Variants in ATP9A observed in about 807,000 individuals in gnomAD.
ATP9A encodes the protein ATPase phospholipid transporting 9A.
In ATP9A, 52 loss-of-function variants were observed where a neutral mutation model predicts 144.1. The ratio of observed to expected loss-of-function variants is 0.36; its 90% CI spans 0.29 to 0.45. ATP9A has a LOEUF of 0.45. Among genes scored for constraint, ATP9A ranks in the 20% least tolerant of loss-of-function variants. The pLI is 1.00. For synonymous variants in ATP9A, 582 were observed against 557.4 expected (o/e 1.04, Z -0.62); for missense variants, 947 against 1,392.7 (o/e 0.68, Z 5.09).
chr20:51,626,495 A>T (rs1431500164), intron 17 of ATP9A, among the ~76,000 whole-genome samples: 1 of 37,016 alleles, frequency 2.7e-5, no homozygotes, highest in Admixed American at 2.6e-4. Flanking sequence ...TGTCACAAAT[A>T]AAAAAAAAAA....
At chr20:51,759,033 T>C (rs2077868109) in intron 1 of ATP9A, among the ~76,000 whole-genome samples, 2 of 152,230 alleles carry the variant, frequency 1.3e-5, no homozygotes, top group South Asian at 4.1e-4. Flanking sequence ...ACACATCTTC[T>C]GGTCTCCACG....
intron 4 of ATP9A, among the ~76,000 whole-genome samples, chr20:51,709,760 A>G (rs2122845716): frequency 6.6e-6 from 1 of 152,310 alleles, no homozygotes. Flanking sequence ...AAATGTCACA[A>G]TTCATGAATC....
At chr20:51,762,182 C>T (rs1408880758) in intron 1 of ATP9A, among the ~76,000 whole-genome samples, 4 of 152,230 alleles carry the variant, frequency 2.6e-5, no homozygotes, top group South Asian at 2.1e-4. Flanking sequence ...TTGGCCAATA[C>T]GGTGAAGCCC....
At chr20:51,646,128 C>T (rs2077341408) in intron 14 of ATP9A, among the ~76,000 whole-genome samples, 1 of 152,218 alleles carries the variant, frequency 6.6e-6, no homozygotes, top group Non-Finnish European at 1.5e-5. Context: ...GCAGAGCCCA[C>T]ACCTTTCCCT....
At chr20:51,692,623 G>A (rs2077553270) in intron 7 of ATP9A, among the ~76,000 whole-genome samples, 1 of 152,160 alleles carries the variant, frequency 6.6e-6, no homozygotes, top group African/African-American at 2.4e-5. Flanking sequence ...CCAACACGGT[G>A]AAACCGTGTC....
intron 1 of ATP9A, among the ~76,000 whole-genome samples, chr20:51,754,664 A>G (rs866737623): frequency 6.6e-6 from 1 of 151,522 alleles, no homozygotes. Flanking sequence ...AAATACAAAA[A>G]AAATCACTGG....
At chr20:51,761,276 T>C (rs564176609) in intron 1 of ATP9A, among the ~76,000 whole-genome samples, 3 of 152,338 alleles carry the variant, frequency 2.0e-5, no homozygotes, top group African/African-American at 4.8e-5. Flanking sequence ...ATAAACATGC[T>C]GACATAAGCT....
chr20:51,617,093 C>G (rs146866257), intron 22 of ATP9A, among the ~76,000 whole-genome samples: 2 of 151,978 alleles, frequency 1.3e-5, no homozygotes, highest in African/African-American at 2.4e-5. Flanking sequence ...AGGCACCCAC[C>G]ACCATGCCCA....
chr20:51,767,244 G>C (rs1022644662), intron 1 of ATP9A, among the ~76,000 whole-genome samples: 4 of 152,052 alleles, frequency 2.6e-5, no homozygotes, highest in African/African-American at 9.7e-5. Flanking sequence ...AGCGGCCGCA[G>C]GCCCCGCCCA....
intron 15 of ATP9A, among the ~76,000 whole-genome samples, chr20:51,637,121 T>C (rs963192260): frequency 1.3e-5 from 2 of 151,896 alleles, no homozygotes; most frequent in Non-Finnish European, 2.9e-5. Context: ...TTGTCATTCC[T>C]GTCATTCTTC....
chr20:51,607,084 A>C (rs184012985), intron 26 of ATP9A, among the ~76,000 whole-genome samples: 117 of 152,042 alleles, frequency 7.7e-4, no homozygotes, highest in Non-Finnish European at 1.1e-3. Context: ...AATAAATACA[A>C]ACAGAAGTTT....
At chr20:51,679,258 A>AG (rs1290523930) in intron 9 of ATP9A, among the ~76,000 whole-genome samples, 2 of 152,296 alleles carry the variant, frequency 1.3e-5, no homozygotes, top group East Asian at 3.9e-4. Context: ...TGGGAGGCGG[A>AG]GGTTGCAGTG....
intron 2 of ATP9A, among the ~76,000 whole-genome samples, chr20:51,726,584 G>T (rs183460087): frequency 1.3e-5 from 2 of 152,190 alleles, no homozygotes; most frequent in African/African-American, 4.8e-5. Flanking sequence ...TTTGGGGTTT[G>T]GTTTTGTTTT....
chr20:51,608,564 G>A lies in ATP9A; in HGVS notation c.2699C>T (p.Ser900Leu), dbSNP rs1414033630. ...FSLVLDKDVK[S>L]EVAMLYPELY... ...CTCAGGATACAGCATGGCAACTTCC[G>A]ATTTGACATCTTTGTCCAGGACCAG... Residue 900 changes from serine (S) to leucine (L), a missense_variant, in exon 25 of 28, where the codon TCG (serine) becomes TTG (leucine). Physicochemically the swap from Ser to Leu is moderately radical, Grantham distance 145. Around this residue, in one of 2 missense-constraint regions of ATP9A, gnomAD observed 177 missense variants for 344.9 expected, o/e 0.51. Coordinates refer to ENST00000338821, the MANE Select transcript of ATP9A (RefSeq NM_006045.3). 2 of 1,613,488 alleles carry A rather than the reference G, an allele frequency of 1.2e-6. No homozygotes were observed. The highest frequency in any genetic ancestry group is 2.2e-5 in the East Asian group (1 of 44,904).
intron 22 of ATP9A, among the ~76,000 whole-genome samples, chr20:51,614,449 C>T (rs1568785697): frequency 6.6e-6 from 1 of 151,976 alleles, no homozygotes; most frequent in Non-Finnish European, 1.5e-5. Context: ...CACAGACATG[C>T]ACCACCACAC....
intron 4 of ATP9A, among the ~76,000 whole-genome samples, chr20:51,699,824 G>A (rs560616955): frequency 6.6e-5 from 10 of 152,004 alleles, no homozygotes; most frequent in African/African-American, 2.4e-4. Context: ...TGTAGTTTTA[G>A]TAGAGACGGG....
intron 4 of ATP9A, among the ~76,000 whole-genome samples, chr20:51,711,202 T>C (rs1306706575): frequency 1.3e-5 from 2 of 152,180 alleles, no homozygotes; most frequent in Non-Finnish European, 2.9e-5. Flanking sequence ...TTACCAACTC[T>C]AAATTCCCCC....
chr20:51,660,868 C>T (rs979637809), intron 13 of ATP9A, among the ~76,000 whole-genome samples: 3 of 152,144 alleles, frequency 2.0e-5, no homozygotes, highest in African/African-American at 7.2e-5. Context: ...TAAAAAATAC[C>T]AGGGGAAAAC....
intron 1 of ATP9A, among the ~76,000 whole-genome samples, chr20:51,756,177 G>A (rs1258299629): frequency 6.6e-6 from 1 of 152,006 alleles, no homozygotes; most frequent in Non-Finnish European, 1.5e-5. Flanking sequence ...CAAGAACAAG[G>A]TGTCAGCAGG....
Sources: gnomAD v4.1 joint callset for allele counts (sites outside exome capture counted in the v4.1 genomes callset) on GRCh38, gnomAD v4.1.1 for gene constraint, gnomAD v4.1.1 regional missense constraint, MANE v1.5 for transcripts, NCBI Gene and HGNC (gene_info 2026-07-23, HGNC 2026-07-21) for gene names.